COX14: variants seen among roughly 807,000 people sequenced by gnomAD.
COX14 encodes cytochrome c oxidase assembly factor COX14.
Under a neutral mutation model 5.8 loss-of-function variants are expected in COX14, and 3 were observed. The observed-to-expected ratio is 0.51, with a 90% CI of 0.23 to 1.33. The LOEUF is 1.33. Ranked by LOEUF, COX14 falls within the 40% of genes most tolerant of loss-of-function variation. COX14 has a pLI of 0.18. For missense variants in COX14, 72 were observed against 72.1 expected (o/e 1.00, Z 0.01); for synonymous variants, 25 against 26.1 (o/e 0.96, Z 0.13).
At chr12:50,115,842 C>T (rs1951076586) in intron 1 of COX14, among the ~76,000 whole-genome samples, 1 of 152,142 alleles carries the variant, frequency 6.6e-6, no homozygotes, top group Admixed American at 6.6e-5. Context: ...TGAGCCACTG[C>T]ACCGGCCACG....
chr12:50,115,851 C>G (rs780592341), intron 1 of COX14, among the ~76,000 whole-genome samples: 3 of 152,062 alleles, frequency 2.0e-5, no homozygotes, highest in South Asian at 4.2e-4. Flanking sequence ...GCACCGGCCA[C>G]GTGATCTTCT....
intron 1 of COX14, among the ~76,000 whole-genome samples, chr12:50,115,066 G>A (rs1431463159): frequency 4.2e-5 from 6 of 143,652 alleles, no homozygotes; most frequent in South Asian, 2.3e-4. Flanking sequence ...GTGCCCGGCC[G>A]GTTTTTTTTT....
chr12:50,119,677 A>G (rs1371100244), intron 1 of COX14, among the ~76,000 whole-genome samples: 1 of 152,220 alleles, frequency 6.6e-6, no homozygotes, highest in Non-Finnish European at 1.5e-5. Context: ...CCTGGGCAAC[A>G]GAGTGAGAAC....
At chr12:50,117,091 C>G (rs1303766194) in intron 1 of COX14, among the ~76,000 whole-genome samples, 2 of 152,134 alleles carry the variant, frequency 1.3e-5, no homozygotes, top group Non-Finnish European at 2.9e-5. Flanking sequence ...CTCACTGTAG[C>G]CTCAACCTCC....
At chr12:50,112,340 C>T in intron 1 of COX14, 39 bp downstream of exon 1, 1 of 985,502 alleles carries the variant, frequency 1.0e-6, no homozygotes, top group Non-Finnish European at 1.2e-6. Flanking sequence ...GCTGCCAGTC[C>T]CACTGCCTGC....
At chr12:50,118,919 C>A (rs1290586384) in intron 1 of COX14, among the ~76,000 whole-genome samples, 2 of 152,270 alleles carry the variant, frequency 1.3e-5, no homozygotes, top group African/African-American at 4.8e-5. Flanking sequence ...CATTCATAGT[C>A]CCAAATTGAG....
chr12:50,117,577 G>A (rs1479182714), intron 1 of COX14, among the ~76,000 whole-genome samples: 1 of 138,836 alleles, frequency 7.2e-6, no homozygotes, highest in Admixed American at 7.6e-5. Context: ...CTCTTTTTCT[G>A]TCTCTTTTTT....
intron 1 of COX14, among the ~76,000 whole-genome samples, chr12:50,115,074 T>G (rs536520407): frequency 2.0e-5 from 3 of 149,154 alleles, no homozygotes; most frequent in Non-Finnish European, 4.5e-5. Context: ...CCGGTTTTTT[T>G]TTTTTTTTTT....
chr12:50,119,992 G>T, intron 1 of COX14, 44 bp from the exon 2 acceptor site: 1 of 1,493,988 alleles, frequency 6.7e-7, no homozygotes, highest in Admixed American at 1.7e-5. Flanking sequence ...GGGCTGGGCA[G>T]ATGAGGCCTT....
chr12:50,113,249 A>G (rs1350973503), intron 1 of COX14, among the ~76,000 whole-genome samples: 1 of 151,806 alleles, frequency 6.6e-6, no homozygotes, highest in Non-Finnish European at 1.5e-5. Flanking sequence ...TGAGTTGACC[A>G]CTATGCAGTG....
rs769855813 is a variant in COX14 at position 50,120,079 on chromosome 12, T to TTGGAGGTAGAGAGG, written c.36_37insTGGAGGTAGAGAGG (p.Lys13TrpfsTer3). 5.6e-6 allele frequency: 9 copies of TTGGAGGTAGAGAGG among 1,614,176 alleles called. No individual in the cohort carries two copies. The Admixed American group carries it at 1.5e-4, about 27-fold the overall frequency. On this transcript the variant is annotated stop_gained and frameshift_variant, in exon 2 of 2. Transcript: ENST00000550487. LOFTEE classifies it high-confidence loss of function. ...GCAAGCAGCTAGCTGACATTGGCTA[T>TTGGAGGTAGAGAGG]AAGACCTTCTCTACCTCCATGATGC...
intron 1 of COX14, among the ~76,000 whole-genome samples, chr12:50,114,908 C>T (rs1279813920): frequency 6.7e-6 from 1 of 148,278 alleles, no homozygotes; most frequent in Non-Finnish European, 1.5e-5. Flanking sequence ...GTTCCGACTA[C>T]AGGCAGGCGC....
chr12:50,117,684 A>G (rs140564846), intron 1 of COX14, among the ~76,000 whole-genome samples: 7 of 150,656 alleles, frequency 4.6e-5, no homozygotes, highest in Admixed American at 1.3e-4. Context: ...GATTCAAGCA[A>G]TTCTCCTGTC....
At chr12:50,119,950 A>G in intron 1 of COX14, 86 bp from the exon 2 acceptor site, 2 of 1,067,600 alleles carry the variant, frequency 1.9e-6, no homozygotes, top group Non-Finnish European at 2.9e-6. Flanking sequence ...AGCAGGATGC[A>G]GAAGTTATGG....
chr12:50,117,884 C>T (rs948095027), intron 1 of COX14, among the ~76,000 whole-genome samples: 1 of 151,934 alleles, frequency 6.6e-6, no homozygotes, highest in African/African-American at 2.4e-5. Context: ...GCTGGGACTA[C>T]AGGCGCGCAC....
At position 50,120,276 on chromosome 12, in the gene COX14, A is replaced by G; in HGVS notation, c.*59A>G. ...CCAAGGCATGCTGTGGAGAGACTTCACCTGCCACCATTTCCAGGTCAACAG... is the reference window on the plus strand; with the variant it reads ...CCAAGGCATGCTGTGGAGAGACTTCGCCTGCCACCATTTCCAGGTCAACAG... On this transcript the variant is annotated 3_prime_UTR_variant, in exon 2 of 2. Coordinates refer to ENST00000550487, the MANE Select transcript of COX14 (RefSeq NM_032901.4). 1 of 1,409,522 alleles carries G rather than the reference A, an allele frequency of 7.1e-7. No homozygotes were observed. Among genetic ancestry groups the G allele is most frequent in the South Asian group, 1.3e-5 (1 of 79,638 alleles). The allele number at this position is 1,409,522 out of a possible 1,614,324, so 87.3% of individuals were successfully genotyped here.
In COX14 at chr12:50,120,060, A is replaced by G; in HGVS notation, c.17A>G (p.Gln6Arg). The part of the protein sequence containing the change: MPTGK[Q>R]LADIGYKTFS... ...GGGGACAAGATGCCAACTGGCAAGC[A>G]GCTAGCTGACATTGGCTATAAGACC... Residue 6 changes from glutamine (Q) to arginine (R), a missense_variant, in exon 2 of 2, where the codon CAG becomes CGG. Physicochemically the swap from Gln to Arg is conservative, Grantham distance 43. Coordinates refer to ENST00000550487, the MANE Select transcript of COX14 (RefSeq NM_032901.4). 6.2e-7 allele frequency: 1 copy of G among 1,614,164 alleles called. No individual in the cohort carries two copies. Among genetic ancestry groups the G allele is most frequent in the Non-Finnish European group, 8.5e-7 (1 of 1,179,980 alleles).
rs1055937110 is a variant in COX14, at chr12:50,113,663, C to G, written c.-9+1362C>G. On this transcript the variant is annotated intron_variant, in intron 1 of 1. Coordinates refer to ENST00000550487, the MANE Select transcript of COX14 (RefSeq NM_032901.4). ...TATTTATTTTTTTGAGACGGAGTCTCGCCCTGTCGCCCAGGCTGGAGTACA... is the reference window on the plus strand; with the variant it reads ...TATTTATTTTTTTGAGACGGAGTCTGGCCCTGTCGCCCAGGCTGGAGTACA... Among the ~76,000 whole-genome samples, 3 of 141,946 alleles carry G rather than the reference C, an allele frequency of 2.1e-5. No individual in the cohort carries two copies. The Admixed American group carries it at 2.1e-4, about 10-fold the overall frequency. The allele number at this position is 141,946 out of a possible 152,430, so 93.1% of individuals were successfully genotyped here.
chr12:50,118,363 AAC>A, intron 1 of COX14: 1 of 939,192 alleles, frequency 1.1e-6, no homozygotes, highest in Non-Finnish European at 1.3e-6. Flanking sequence ...TGGCATTCTG[AAC>A]ACAGTCTTGC....
Sources: allele counts gnomAD v4.1 joint callset (sites outside exome capture counted in the v4.1 genomes callset), GRCh38; gene constraint gnomAD v4.1.1; transcripts MANE v1.5; gene names NCBI Gene and HGNC (gene_info 2026-07-23, HGNC 2026-07-21).